Variants in NOX3 observed in about 807,000 individuals in gnomAD.
NOX3 encodes the protein NADPH oxidase catalytic subunit-like 3.
A neutral mutation model predicts 76.7 loss-of-function variants in NOX3; 74 were observed. The ratio of observed to expected loss-of-function variants is 0.96; its 90% confidence interval spans 0.80 to 1.17. The LOEUF (loss-of-function observed/expected upper bound fraction) is 1.17, where lower values mean the gene tolerates loss of function less well. Among genes scored for constraint, NOX3 ranks in the 50% most tolerant of loss-of-function variants. The pLI is 0.00. For missense variants in NOX3, 695 were observed against 703.3 expected, an observed-to-expected ratio of 0.99 and a Z score of 0.13; for synonymous variants, 263 against 261.1, an observed-to-expected ratio of 1.01 and a Z score of -0.07.
chr6:155,426,975 A>G (rs1298498726), intron 9 of NOX3, among the ~76,000 whole-genome samples: 2 of 75,440 alleles, frequency 2.7e-5, no homozygotes, highest in Non-Finnish European at 4.7e-5. Flanking sequence ...AAGCAGTTAG[A>G]CACTGTGGCG....
chr6:155,432,591 T>C (rs1329164785), intron 7 of NOX3, among the ~76,000 whole-genome samples: 2 of 152,194 alleles, frequency 1.3e-5, no homozygotes, highest in Admixed American at 1.3e-4. Flanking sequence ...GTTTTGTCTA[T>C]TGCTTTTTGT....
chr6:155,422,672 T>A (rs752552728), intron 10 of NOX3, 22 bp downstream of exon 10: 1 of 1,610,288 alleles, frequency 6.2e-7, no homozygotes, highest in South Asian at 1.1e-5. Context: ...CATGGAAGGG[T>A]GAACTAATGA....
chr6:155,445,957 C>CTA (rs200968638), intron 4 of NOX3, among the ~76,000 whole-genome samples: 3 of 126,114 alleles, frequency 2.4e-5, no homozygotes, highest in East Asian at 2.3e-4. Flanking sequence ...TATATATATG[C>CTA]TATATATATA....
At chr6:155,450,865 C>T (rs1483572454) in intron 4 of NOX3, among the ~76,000 whole-genome samples, 11 of 152,160 alleles carry the variant, frequency 7.2e-5, no homozygotes, top group African/African-American at 2.7e-4. Context: ...AGCCCTTGGT[C>T]AGGCTAAGGG....
chr6:155,445,135 G>A (rs956228192), intron 4 of NOX3, among the ~76,000 whole-genome samples: 7 of 152,158 alleles, frequency 4.6e-5, no homozygotes, highest in African/African-American at 1.2e-4. Flanking sequence ...ACAACATACC[G>A]ATGCTTTTCC....
chr6:155,453,546 A>C lies in NOX3; in HGVS notation c.256-58T>G, dbSNP rs568668242. 9.8e-6 allele frequency: 13 copies of C among 1,326,540 alleles called. No individual in the cohort carries two copies. The South Asian group carries it at 1.3e-4, about 13-fold the overall frequency. The allele number at this position is 1,326,540 out of a possible 1,614,324, so 82.2% of individuals were successfully genotyped here. A position where few individuals can be genotyped will look rare whatever the true frequency, so the allele number is the denominator to read the frequency against. On this transcript the variant is annotated intron_variant, in intron 3 of 13. Coordinates refer to ENST00000159060, the MANE Select transcript of NOX3 (RefSeq NM_015718.3). ...GAAAAATTGCAGTGAAAACAATCTCATGAAAGTTAAGAGAGTAGGAATCAG... is the reference window on the plus strand; with the variant it reads ...GAAAAATTGCAGTGAAAACAATCTCCTGAAAGTTAAGAGAGTAGGAATCAG...
chr6:155,420,988 A>G (rs1209110194), intron 10 of NOX3, among the ~76,000 whole-genome samples: 1 of 152,184 alleles, frequency 6.6e-6, no homozygotes, highest in Non-Finnish European at 1.5e-5. Context: ...CGTTATGTGG[A>G]TCAGGAAACT....
intron 12 of NOX3, among the ~76,000 whole-genome samples, chr6:155,401,184 C>T (rs1461137030): frequency 6.6e-6 from 1 of 152,190 alleles, no homozygotes. Context: ...TCACCCATCT[C>T]TCCAATCCCC....
At chr6:155,397,757 T>G (rs1374594317) in intron 12 of NOX3, among the ~76,000 whole-genome samples, 1 of 152,220 alleles carries the variant, frequency 6.6e-6, no homozygotes, top group Non-Finnish European at 1.5e-5. Flanking sequence ...ATAATAAAAT[T>G]AATGCTAAAG....
At chr6:155,445,967 ATAATATATATATGC>A (rs1777058057) in intron 4 of NOX3, among the ~76,000 whole-genome samples, 1 of 100,830 alleles carries the variant, frequency 9.9e-6, no homozygotes, top group Non-Finnish European at 1.9e-5. Flanking sequence ...CTATATATAT[ATAATATATATATGC>A]TATATATATA....
chr6:155,399,239 G>T (rs1173148669), intron 12 of NOX3, among the ~76,000 whole-genome samples: 2 of 150,184 alleles, frequency 1.3e-5, no homozygotes, highest in African/African-American at 4.9e-5. Flanking sequence ...CAAAGAGATT[G>T]CCCACTGGCC....
At chr6:155,421,801 G>T (rs1416905004) in intron 10 of NOX3, among the ~76,000 whole-genome samples, 1 of 152,164 alleles carries the variant, frequency 6.6e-6, no homozygotes, top group African/African-American at 2.4e-5. Flanking sequence ...CACCCCCGCA[G>T]AACTTATTTA....
chr6:155,450,340 T>C (rs1439870028), intron 4 of NOX3, among the ~76,000 whole-genome samples: 2 of 152,184 alleles, frequency 1.3e-5, no homozygotes, highest in African/African-American at 2.4e-5. Flanking sequence ...TTGAATCTTT[T>C]CCCTCCCCAC....
intron 12 of NOX3, among the ~76,000 whole-genome samples, chr6:155,401,599 G>T (rs1408068343): frequency 6.6e-6 from 1 of 152,060 alleles, no homozygotes. Flanking sequence ...TTAGTATAAA[G>T]GTATTTTCAC....
In NOX3 at chr6:155,407,168, C is replaced by A. The variant is rs188946959; in HGVS notation, c.1542G>T (p.Trp514Cys). ...AGGCAATCTGCTTGAACTCATTGTTCCAGTTGGGCCTCCCATAGAAGGTCT... is the reference window on the plus strand; with the variant it reads ...AGGCAATCTGCTTGAACTCATTGTTACAGTTGGGCCTCCCATAGAAGGTCT... ...KQKTFYGRPNWNNEFKQIAYN... is the reference protein window; with the variant it reads ...KQKTFYGRPNCNNEFKQIAYN... Residue 514 changes from tryptophan to cysteine, a missense_variant, in exon 12 of 14, where the codon TGG becomes TGT. Coordinates refer to ENST00000159060, the MANE Select transcript of NOX3 (RefSeq NM_015718.3). 2 of 1,614,044 alleles carry A rather than the reference C, an allele frequency of 1.2e-6. No homozygotes were observed. The highest frequency in any genetic ancestry group is 1.7e-5 in the Admixed American group (1 of 60,022).
chr6:155,396,731 G>A, intron 13 of NOX3, 78 bp downstream of exon 13: 2 of 1,218,692 alleles, frequency 1.6e-6, no homozygotes, highest in South Asian at 1.5e-5. Context: ...ACAGTGCATA[G>A]AGCCTAAAAT....
chr6:155,409,780 T>G (rs1776516975), intron 11 of NOX3, among the ~76,000 whole-genome samples: 1 of 152,198 alleles, frequency 6.6e-6, no homozygotes, highest in African/African-American at 2.4e-5. Flanking sequence ...ATGGCAAAAA[T>G]GTAAGACATC....
At chr6:155,430,066 A>G (rs1276285211) in intron 8 of NOX3, among the ~76,000 whole-genome samples, 3 of 152,200 alleles carry the variant, frequency 2.0e-5, no homozygotes, top group African/African-American at 7.2e-5. Context: ...GCTTTCATGA[A>G]GGCGGCTACA....
intron 6 of NOX3, among the ~76,000 whole-genome samples, chr6:155,437,086 A>G (rs1283265155): frequency 6.6e-6 from 1 of 152,162 alleles, no homozygotes; most frequent in Non-Finnish European, 1.5e-5. Flanking sequence ...GTCACAATGG[A>G]GTGTGTCTTC....
Sources: allele counts gnomAD v4.1 joint callset (sites outside exome capture counted in the v4.1 genomes callset), GRCh38; gene constraint gnomAD v4.1.1; transcripts MANE v1.5; gene names NCBI Gene and HGNC (gene_info 2026-07-23, HGNC 2026-07-21).